PANK3: variants seen among roughly 807,000 people sequenced by gnomAD.
The protein encoded by PANK3 is hPanK3.
In PANK3, 20 loss-of-function variants were observed where a neutral mutation model predicts 39.4. The observed-to-expected ratio is 0.51, with a 90% CI of 0.36 to 0.74. The LOEUF (loss-of-function observed/expected upper bound fraction) is 0.74, where lower values mean the gene tolerates loss of function less well. Among genes scored for constraint, PANK3 ranks in the 30% least tolerant of loss-of-function variants. The pLI is 0.00. For synonymous variants in PANK3, 140 were observed against 157.3 expected (o/e 0.89, Z 0.82); for missense variants, 265 against 437.0 (o/e 0.61, Z 3.51).
chr5:168,557,381 T>A lies in PANK3; in HGVS notation c.*190A>T, dbSNP rs1433307409. 1.5e-5 allele frequency: 9 copies of A among 586,662 alleles called. No homozygotes were observed. The highest frequency in any genetic ancestry group is 2.7e-5 in the Non-Finnish European group (9 of 332,650). 36.3% of individuals were successfully genotyped at this position (586,662 alleles called of 1,614,324 possible). The stretch of plus-strand genomic sequence containing the variant: ...ATTTAAGGATTTAACACTGGCTATA[T>A]ACAAAAGGGAAAGCATTTCAATGAG... On this transcript the variant is annotated 3_prime_UTR_variant, in exon 7 of 7. Transcript: ENST00000239231.
rs1335295415 is a variant in PANK3 at position 168,556,505 on chromosome 5, G to T, written c.*1066C>A. On this transcript the variant is annotated 3_prime_UTR_variant, in exon 7 of 7. Transcript: ENST00000239231. ...GCCAATAACAGTATTTTAGTTATCA[G>T]GTCTCACCATTCCCTCTGGTTGTTG... is the stretch of plus-strand genomic sequence containing the variant. The T allele has an allele frequency of 2.0e-5, 3 of 152,412 alleles. No homozygotes were observed. The highest frequency in any genetic ancestry group is 7.2e-5 in the African/African-American group (3 of 41,396). 9.4% of individuals were successfully genotyped at this position (152,412 alleles called of 1,614,324 possible). A position where few individuals can be genotyped will look rare whatever the true frequency, so the allele number is the denominator to read the frequency against.
rs1212782482 is a variant in PANK3 at position 168,563,970 on chromosome 5, G to A, written c.731C>T (p.Thr244Ile). The A allele has an allele frequency of 2.5e-6, 4 of 1,613,532 alleles. No individual in the cohort carries two copies. The highest frequency in any genetic ancestry group is 1.7e-4 in the Middle Eastern group (1 of 6,060). ...ATCACGGACCAGCTTGTCAGCTTGTGTGCTATCACCTTTGGATGCCATTTC... is the reference window on the plus strand; with the variant it reads ...ATCACGGACCAGCTTGTCAGCTTGTATGCTATCACCTTTGGATGCCATTTC... ...ALEMASKGDS[T>I]QADKLVRDIY... The change falls in exon 4 of 7, where the codon ACA (threonine) becomes ATA (isoleucine). Residue 244 changes from threonine (T) to isoleucine (I), a missense_variant. Thr to Ile is a moderately conservative substitution (Grantham distance 89). Around this residue, in one of 3 missense-constraint regions of PANK3, gnomAD observed 110 missense variants for 161.2 expected, o/e 0.68. Coordinates refer to ENST00000239231, the MANE Select transcript of PANK3 (RefSeq NM_024594.4).
At chr5:168,559,216 G>T in intron 5 of PANK3, 59 bp from the exon 6 acceptor site, 2 of 1,123,870 alleles carry the variant, frequency 1.8e-6, no homozygotes, top group Non-Finnish European at 2.4e-6. Flanking sequence ...AATATAAAAG[G>T]TTTCTAAATA....
chr5:168,560,000 A>T (rs1015298304), intron 5 of PANK3, among the ~76,000 whole-genome samples: 1 of 152,186 alleles, frequency 6.6e-6, no homozygotes, highest in Admixed American at 6.5e-5. Flanking sequence ...TGTTTGAATC[A>T]CCAGAAAACT....
chr5:168,567,340 G>C (rs1759552869), intron 2 of PANK3, among the ~76,000 whole-genome samples: 1 of 152,138 alleles, frequency 6.6e-6, no homozygotes, highest in African/African-American at 2.4e-5. Context: ...CCCACGGATA[G>C]ATTAATTTCT....
chr5:168,558,067 C>T (rs1759379378), intron 6 of PANK3, among the ~76,000 whole-genome samples: 1 of 151,928 alleles, frequency 6.6e-6, no homozygotes, highest in Admixed American at 6.6e-5. Context: ...CTGTGCCTGA[C>T]ACTCTCACTG....
chr5:168,551,765 G>C lies in PANK3; in HGVS notation c.*5806C>G, dbSNP rs1759274274. 6.6e-6 allele frequency: 1 copy of C among 151,810 alleles called. No individual in the cohort carries two copies. The highest frequency in any genetic ancestry group is 6.6e-5 in the Admixed American group (1 of 15,218). 9.4% of individuals were successfully genotyped at this position (151,810 alleles called of 1,614,324 possible). ...TATAGCAATCACATGTACACTCAAA[G>C]GTAAAAGAAAAAAAACCTCAGAAAT... On this transcript the variant is annotated 3_prime_UTR_variant, in exon 7 of 7. Transcript: ENST00000239231.
rs1174280855 is a variant in PANK3 at position 168,571,694 on chromosome 5, C to A, written c.29-2696G>T. Among the ~76,000 whole-genome samples, 7 of 152,112 alleles carry A rather than the reference C, an allele frequency of 4.6e-5. No individual in the cohort carries two copies. The East Asian group carries it at 1.3e-3, about 29-fold the overall frequency. Reference sequence around the variant, plus strand: ...TGTGTGTGCATTACAAAACCAGGAACATATAATTCAATGAGAAAGAAGTCT... The same window carrying A: ...TGTGTGTGCATTACAAAACCAGGAAAATATAATTCAATGAGAAAGAAGTCT... On this transcript the variant is annotated intron_variant, in intron 1 of 6. Transcript: ENST00000239231.
At position 168,559,083 on chromosome 5, in the gene PANK3, T is replaced by C. The variant is rs752386767; in HGVS notation, c.1011A>G (p.Ala337=). The C allele has an allele frequency of 2.5e-6, 4 of 1,610,442 alleles. No homozygotes were observed. Among genetic ancestry groups the C allele is most frequent in the Non-Finnish European group, 2.5e-6 (3 of 1,177,508 alleles). Residue 337 remains alanine, a synonymous_variant, in exon 6 of 7, where the codon GCA becomes GCG. Transcript: ENST00000239231. ...NTLSMKLLAY[A]LDYWSKGQLK... is the part of the protein sequence containing the mutation. The stretch of plus-strand genomic sequence containing the variant: ...GTTGACCTTTTGACCAGTAATCCAG[T>C]GCATATGCCAAAAGTTTCATTGAGA...
At chr5:168,576,831 T>C (rs183062562) in intron 1 of PANK3, among the ~76,000 whole-genome samples, 1 of 151,898 alleles carries the variant, frequency 6.6e-6, no homozygotes, top group Admixed American at 6.6e-5. Context: ...AAAACAAATA[T>C]ATCTTTTGTT....
At chr5:168,573,374 T>TAATC (rs145312849) in intron 1 of PANK3, among the ~76,000 whole-genome samples, 3,993 of 67,522 alleles carry the variant, frequency 0.059, 315 homozygotes, top group Admixed American at 0.31. Flanking sequence ...GCCAGAAAAA[T>TAATC]AATCACTATT....
At position 168,564,000 on chromosome 5, in the gene PANK3, G is replaced by A; in HGVS notation, c.701C>T (p.Ala234Val). The A allele has an allele frequency of 1.2e-6, 2 of 1,613,624 alleles. No homozygotes were observed. Among genetic ancestry groups the A allele is most frequent in the Non-Finnish European group, 1.7e-6 (2 of 1,179,768 alleles). The change falls in exon 4 of 7, where the codon GCT (alanine) becomes GTT (valine). Residue 234 changes from alanine to valine, a missense_variant. Physicochemically the swap from Ala to Val is moderately conservative, Grantham distance 64. Around this residue, in one of 3 missense-constraint regions of PANK3, gnomAD observed 110 missense variants for 161.2 expected, o/e 0.68. Transcript: ENST00000239231. ...LLTGCESFEE[A>V]LEMASKGDST... The stretch of plus-strand genomic sequence containing the variant: ...ATCACCTTTGGATGCCATTTCAAGA[G>A]CCTCTTCAAAACTTTCACAGCCAGT...
At chr5:168,576,895 T>C (rs1759739755) in intron 1 of PANK3, among the ~76,000 whole-genome samples, 1 of 151,744 alleles carries the variant, frequency 6.6e-6, no homozygotes, top group African/African-American at 2.4e-5. Flanking sequence ...ATTATTATTA[T>C]TTGAGACGGA....
At chr5:168,557,865 G>A (rs1759375353) in intron 6 of PANK3, among the ~76,000 whole-genome samples, 1 of 151,952 alleles carries the variant, frequency 6.6e-6, no homozygotes. Context: ...TCACTATTTT[G>A]CCCAGGCTGG....
chr5:168,548,591 C>T lies in PANK3; in HGVS notation c.*8980G>A, dbSNP rs1279339131. 1 of 151,970 alleles carries T rather than the reference C, an allele frequency of 6.6e-6. No homozygotes were observed. Among genetic ancestry groups the T allele is most frequent in the African/African-American group, 2.4e-5 (1 of 41,366 alleles). The allele number at this position is 151,970 out of a possible 1,614,324, so 9.4% of individuals were successfully genotyped here. On this transcript the variant is annotated 3_prime_UTR_variant, in exon 7 of 7. Coordinates refer to ENST00000239231, the MANE Select transcript of PANK3 (RefSeq NM_024594.4). Reference sequence around the variant, plus strand: ...ATGAACAAAATTAGAAATGGTTAAACTACAGAAAAAAAGGCAGAGAAACTG... The same window carrying T: ...ATGAACAAAATTAGAAATGGTTAAATTACAGAAAAAAAGGCAGAGAAACTG...
In PANK3 at chr5:168,569,008, GAAAAAAAAAAA is replaced by G. The variant is rs368234880; in HGVS notation, c.29-21_29-11del. 3 of 91,236 alleles carry G rather than the reference GAAAAAAAAAAA, an allele frequency of 3.3e-5. No individual in the cohort carries two copies. The highest frequency in any genetic ancestry group is 5.4e-5 in the Non-Finnish European group (3 of 55,832). The allele number at this position is 91,236 out of a possible 1,614,324, so 5.7% of individuals were successfully genotyped here. On this transcript the variant is annotated splice_polypyrimidine_tract_variant and intron_variant, in intron 1 of 6. Coordinates refer to ENST00000239231, the MANE Select transcript of PANK3 (RefSeq NM_024594.4). ...CCAAACCATGGGAAAGCTATGGGAG[GAAAAAAAAAAA>G]AAAAAAAAAAAATATATATATATAT...
Position 168,555,972 on chromosome 5 carries a change from T to C in PANK3, c.*1599A>G, listed in dbSNP as rs1759343576. The C allele has an allele frequency of 6.6e-6, 1 of 152,234 alleles. No homozygotes were observed. The highest frequency in any genetic ancestry group is 2.1e-4 in the South Asian group (1 of 4,832). 9.4% of individuals were successfully genotyped at this position (152,234 alleles called of 1,614,324 possible). On this transcript the variant is annotated 3_prime_UTR_variant, in exon 7 of 7. Coordinates refer to ENST00000239231, the MANE Select transcript of PANK3 (RefSeq NM_024594.4). Reference sequence around the variant, plus strand: ...GAACAAACCCCTTTTGGACAGAATCTATTAAAACTCATTCCACTATCCCTA... The same window carrying C: ...GAACAAACCCCTTTTGGACAGAATCCATTAAAACTCATTCCACTATCCCTA...
At chr5:168,569,026 A>ATATATATAT (rs1190074252) in intron 1 of PANK3, 28 bp from the exon 2 acceptor site, 5 of 306,068 alleles carry the variant, frequency 1.6e-5, no homozygotes, top group African/African-American at 3.8e-5. Context: ...AAAAAAAAAA[A>ATATATATAT]AAAAATATAT....
intron 5 of PANK3, 79 bp downstream of exon 5, chr5:168,561,314 G>A (rs1759443877): frequency 4.6e-6 from 6 of 1,310,548 alleles, no homozygotes; most frequent in Middle Eastern, 2.8e-4. Context: ...TAGGGAAAGT[G>A]AAGAAGCCCT....
Sources: gnomAD v4.1 joint callset for allele counts (sites outside exome capture counted in the v4.1 genomes callset) on GRCh38, gnomAD v4.1.1 for gene constraint, gnomAD v4.1.1 regional missense constraint, MANE v1.5 for transcripts, NCBI Gene and HGNC (gene_info 2026-07-23, HGNC 2026-07-21) for gene names.